Variants in SLC9B2 observed in about 807,000 individuals in gnomAD.
SLC9B2 encodes the protein solute carrier family 9 member B2.
In SLC9B2, 39 loss-of-function variants were observed where a neutral mutation model predicts 52.2. That is an observed-to-expected ratio of 0.75 (90% CI 0.58 to 0.98). SLC9B2 has a LOEUF of 0.98. Among genes scored for constraint, SLC9B2 ranks in the 50% least tolerant of loss-of-function variants. The probability of loss-of-function intolerance (pLI) is 0.00; values close to 1 mark genes in which losing one functional copy is unlikely to be tolerated. For synonymous variants in SLC9B2, 214 were observed against 227.0 expected (o/e 0.94, Z 0.51); for missense variants, 626 against 637.5 (o/e 0.98, Z 0.19).
intron 1 of SLC9B2, among the ~76,000 whole-genome samples, chr4:103,074,695 T>G (rs1036797009): frequency 6.6e-6 from 1 of 152,244 alleles, no homozygotes; most frequent in African/African-American, 2.4e-5. Flanking sequence ...AATTGTAATA[T>G]TTGAATACTG....
intron 3 of SLC9B2, among the ~76,000 whole-genome samples, chr4:103,058,659 T>G (rs1745372286): frequency 6.6e-6 from 1 of 152,152 alleles, no homozygotes; most frequent in South Asian, 2.1e-4. Flanking sequence ...GTCTCAGCCT[T>G]CCAAAGTGCT....
chr4:103,067,636 T>C (rs1560561264), intron 1 of SLC9B2, 44 bp from the exon 2 acceptor site: 1 of 1,101,122 alleles, frequency 9.1e-7, no homozygotes. Flanking sequence ...TTTGAAAGTC[T>C]TGTGATTTCA....
chr4:103,046,970 G>T, intron 7 of SLC9B2, 81 bp downstream of exon 7: 1 of 1,480,574 alleles, frequency 6.8e-7, no homozygotes, highest in Non-Finnish European at 9.2e-7. Flanking sequence ...CAATTATCAA[G>T]CAAATATGTC....
At chr4:103,039,713 T>A (rs1316408879) in intron 9 of SLC9B2, among the ~76,000 whole-genome samples, 1 of 150,118 alleles carries the variant, frequency 6.7e-6, no homozygotes, top group Non-Finnish European at 1.5e-5. Flanking sequence ...AATGGTGTGA[T>A]CTGGGCTCAC....
intron 7 of SLC9B2, among the ~76,000 whole-genome samples, chr4:103,045,815 T>C (rs1354557759): frequency 6.6e-6 from 1 of 152,188 alleles, no homozygotes; most frequent in Non-Finnish European, 1.5e-5. Flanking sequence ...GATTTAATTG[T>C]CTAAGATAGG....
chr4:103,044,301 G>C (rs905665213), intron 8 of SLC9B2, among the ~76,000 whole-genome samples: 9 of 152,174 alleles, frequency 5.9e-5, no homozygotes, highest in African/African-American at 2.2e-4. Flanking sequence ...TTTTCCAATA[G>C]AATGTTTAGT....
At chr4:103,026,643 A>G in intron 11 of SLC9B2, 52 bp from the exon 12 acceptor site, 3 of 1,523,854 alleles carry the variant, frequency 2.0e-6, no homozygotes, top group Non-Finnish European at 2.7e-6. Context: ...AGCACATATA[A>G]AAAAAGTGAG....
chr4:103,064,272 G>T (rs1170061204), intron 3 of SLC9B2, among the ~76,000 whole-genome samples: 1 of 152,162 alleles, frequency 6.6e-6, no homozygotes, highest in Non-Finnish European at 1.5e-5. Context: ...ATGACTGGAT[G>T]AAGAAAATAT....
At position 103,067,463 on chromosome 4, in the gene SLC9B2, G is replaced by T; in HGVS notation, c.88C>A (p.Gln30Lys). Reference sequence around the variant, plus strand: ...ATTCTATCACAGCTTAGATTTACCTGTGCTTCTTGATGCATGGAGGGCGTG... The same window carrying T: ...ATTCTATCACAGCTTAGATTTACCTTTGCTTCTTGATGCATGGAGGGCGTG... ...NYTPSMHQEA[Q>K]EETVMKLKGI... Residue 30 changes from glutamine (Q) to lysine (K), a missense_variant and splice_region_variant, in exon 2 of 12, where the codon CAG becomes AAG. Transcript: ENST00000394785. 6.2e-7 allele frequency: 1 copy of T among 1,612,158 alleles called. No individual in the cohort carries two copies. Among genetic ancestry groups the T allele is most frequent in the Non-Finnish European group, 8.5e-7 (1 of 1,178,504 alleles).
intron 7 of SLC9B2, 67 bp downstream of exon 7, chr4:103,046,984 C>A: frequency 6.5e-7 from 1 of 1,526,796 alleles, no homozygotes. Flanking sequence ...ATATGTCATG[C>A]TTATAACATT....
intron 7 of SLC9B2, among the ~76,000 whole-genome samples, chr4:103,045,604 C>G (rs1744050429): frequency 6.7e-6 from 1 of 150,278 alleles, no homozygotes; most frequent in South Asian, 2.1e-4. Flanking sequence ...GTCTAAGGAC[C>G]ACACGTAGTT....
At chr4:103,062,187 C>T (rs1196718214) in intron 3 of SLC9B2, among the ~76,000 whole-genome samples, 1 of 152,156 alleles carries the variant, frequency 6.6e-6, no homozygotes, top group Non-Finnish European at 1.5e-5. Flanking sequence ...TTGGGAGACG[C>T]CGAGGCAGGC....
chr4:103,057,986 G>C lies in SLC9B2; in HGVS notation c.272-15C>G. ...AATGATGGTAACTGAAATAAACCAG[G>C]AATACTAGTTACTATCAATAAGTTG... is the stretch of plus-strand genomic sequence containing the variant. On this transcript the variant is annotated splice_polypyrimidine_tract_variant and intron_variant, in intron 3 of 11. Coordinates refer to ENST00000394785, the MANE Select transcript of SLC9B2 (RefSeq NM_178833.7). The C allele has an allele frequency of 6.3e-7, 1 of 1,596,180 alleles. No homozygotes were observed. The highest frequency in any genetic ancestry group is 8.5e-7 in the Non-Finnish European group (1 of 1,174,792).
intron 1 of SLC9B2, among the ~76,000 whole-genome samples, chr4:103,071,567 C>A (rs759170981): frequency 1.3e-5 from 2 of 151,950 alleles, no homozygotes; most frequent in Non-Finnish European, 2.9e-5. Flanking sequence ...TTAGTAGAGA[C>A]GGGGTTTCAC....
At chr4:103,046,560 G>A (rs183624984) in intron 7 of SLC9B2, among the ~76,000 whole-genome samples, 223 of 152,300 alleles carry the variant, frequency 1.5e-3, no homozygotes, top group African/African-American at 4.8e-3. Context: ...CTGAAGAGGA[G>A]AGAAGAGAAA....
intron 10 of SLC9B2, 115 bp from the exon 11 acceptor site, chr4:103,028,998 T>G (rs570863225): frequency 1.2e-6 from 1 of 847,508 alleles, no homozygotes; most frequent in Non-Finnish European, 1.7e-6. Flanking sequence ...CATTAAAAAT[T>G]ACAAATACAA....
At chr4:103,032,267 C>A (rs1742777736) in intron 9 of SLC9B2, among the ~76,000 whole-genome samples, 1 of 151,932 alleles carries the variant, frequency 6.6e-6, no homozygotes, top group Admixed American at 6.6e-5. Context: ...TATAGAAGTA[C>A]CATAGTTTAT....
intron 3 of SLC9B2, among the ~76,000 whole-genome samples, chr4:103,059,190 A>C (rs1050037168): frequency 6.6e-6 from 1 of 152,248 alleles, no homozygotes; most frequent in Non-Finnish European, 1.5e-5. Context: ...CAAAGCACTA[A>C]GAAAAACCAA....
At chr4:103,049,147 G>T in intron 5 of SLC9B2, 127 bp from the exon 6 acceptor site, 3 of 1,106,192 alleles carry the variant, frequency 2.7e-6, no homozygotes, top group East Asian at 5.5e-5. Flanking sequence ...GTAATGAGTT[G>T]TATTTAACAA....
Sources: allele counts gnomAD v4.1 joint callset (sites outside exome capture counted in the v4.1 genomes callset), GRCh38; gene constraint gnomAD v4.1.1; transcripts MANE v1.5; gene names NCBI Gene and HGNC (gene_info 2026-07-23, HGNC 2026-07-21).